CATSPER3: variants seen among roughly 807,000 people sequenced by gnomAD.
CATSPER3 encodes the protein cation channel sperm-associated protein 3.
In CATSPER3, 23 loss-of-function variants were observed where a neutral mutation model predicts 36.6. The ratio of observed to expected loss-of-function variants is 0.63; its 90% CI spans 0.45 to 0.89. The LOEUF (loss-of-function observed/expected upper bound fraction) is 0.89, where lower values mean the gene tolerates loss of function less well. Ranked by LOEUF, CATSPER3 falls within the 40% of genes least tolerant of loss-of-function variation. The pLI is 0.00. For synonymous variants in CATSPER3, 172 were observed against 184.1 expected, an observed-to-expected ratio of 0.93 and a Z score of 0.53; for missense variants, 474 against 503.9, an observed-to-expected ratio of 0.94 and a Z score of 0.57.
intron 2 of CATSPER3, among the ~76,000 whole-genome samples, chr5:134,986,180 T>G (rs1437710031): frequency 2.6e-5 from 4 of 152,084 alleles, no homozygotes; most frequent in Non-Finnish European, 5.9e-5. Flanking sequence ...GTTTGGCTCT[T>G]GTTGCCCAGG....
chr5:134,985,070 C>CA (rs755062616), intron 2 of CATSPER3, among the ~76,000 whole-genome samples: 5 of 152,180 alleles, frequency 3.3e-5, no homozygotes, highest in Non-Finnish European at 7.3e-5. Flanking sequence ...CTGCCCACCT[C>CA]AGCCTCCCAA....
chr5:134,983,451 C>G lies in CATSPER3; in HGVS notation c.253-12822C>G, dbSNP rs182309224. Among the ~76,000 whole-genome samples, 990 of 152,202 alleles carry G rather than the reference C, an allele frequency of 6.5e-3. 9 individuals carry two copies. Among genetic ancestry groups the G allele is most frequent in the Non-Finnish European group, 0.012 (811 of 68,010 alleles). The stretch of plus-strand genomic sequence containing the variant: ...CCAGGAGGCTAAGGCATGAGAATTG[C>G]TAGAACTCGGTGGCGGAGGTTGCAG... On this transcript the variant is annotated intron_variant, in intron 2 of 7. Coordinates refer to ENST00000282611, the MANE Select transcript of CATSPER3 (RefSeq NM_178019.3).
intron 2 of CATSPER3, among the ~76,000 whole-genome samples, chr5:134,994,295 A>T (rs2149550151): frequency 6.6e-6 from 1 of 152,358 alleles, no homozygotes; most frequent in South Asian, 2.1e-4. Context: ...AAAAGATTAG[A>T]AACAGGCAAT....
At chr5:134,986,872 T>A (rs1349313464) in intron 2 of CATSPER3, among the ~76,000 whole-genome samples, 1 of 152,200 alleles carries the variant, frequency 6.6e-6, no homozygotes, top group Non-Finnish European at 1.5e-5. Flanking sequence ...GTGAAAGCAG[T>A]GCTCAGAGGG....
At chr5:135,001,340 T>G (rs1752017633) in intron 3 of CATSPER3, among the ~76,000 whole-genome samples, 2 of 152,232 alleles carry the variant, frequency 1.3e-5, no homozygotes, top group African/African-American at 4.8e-5. Context: ...TTACATTTGC[T>G]GAGGAGTGCT....
chr5:134,981,718 T>C (rs746208438), intron 2 of CATSPER3, among the ~76,000 whole-genome samples: 3 of 152,208 alleles, frequency 2.0e-5, no homozygotes, highest in Non-Finnish European at 4.4e-5. Flanking sequence ...ACATTTGGTT[T>C]TCAACAAAAT....
intron 2 of CATSPER3, chr5:134,995,991 G>C: frequency 2.0e-6 from 1 of 500,122 alleles, no homozygotes; most frequent in Non-Finnish European, 3.7e-6. Flanking sequence ...TTGAGTTGCA[G>C]TATGCTAGAG....
At chr5:134,983,359 A>AC (rs1398463076) in intron 2 of CATSPER3, among the ~76,000 whole-genome samples, 1 of 152,070 alleles carries the variant, frequency 6.6e-6, no homozygotes, top group African/African-American at 2.4e-5. Flanking sequence ...ACATGGTGAA[A>AC]CCCCATCTCT....
At position 135,008,878 on chromosome 5, in the gene CATSPER3, A is replaced by G. The variant is rs370175032; in HGVS notation, c.713A>G (p.Asn238Ser). The G allele has an allele frequency of 2.1e-5, 34 of 1,614,096 alleles. No homozygotes were observed. The highest frequency in any genetic ancestry group is 1.6e-4 in the African/African-American group (12 of 75,056). Reference sequence around the variant, plus strand: ...ACAGACCTGCAGAAGCAGTTGGACAATCGGGAATTTGCTTTGAGCCGGGCA... The same window carrying G: ...ACAGACCTGCAGAAGCAGTTGGACAGTCGGGAATTTGCTTTGAGCCGGGCA... ...GWTDLQKQLD[N>S]REFALSRAFT... The change falls in exon 5 of 8, where the codon AAT becomes AGT. Residue 238 changes from asparagine to serine, a missense_variant. Coordinates refer to ENST00000282611, the MANE Select transcript of CATSPER3 (RefSeq NM_178019.3).
chr5:134,996,137 C>T (rs1245292581), intron 2 of CATSPER3, 136 bp from the exon 3 acceptor site: 3 of 1,088,948 alleles, frequency 2.8e-6, no homozygotes, highest in Non-Finnish European at 4.2e-6. Context: ...GTGCTGTGTG[C>T]CAGAAACTCT....
intron 3 of CATSPER3, among the ~76,000 whole-genome samples, chr5:134,999,816 G>A (rs983322590): frequency 1.3e-5 from 2 of 152,134 alleles, no homozygotes; most frequent in East Asian, 1.9e-4. Flanking sequence ...GGGCTGAGAC[G>A]ATGGGGTTTT....
rs745461692 is a variant in CATSPER3 at position 135,008,831 on chromosome 5, G to A, written c.676-10G>A. ...CTGGGCCCTCAGCATACTCTTCCCT[G>A]CCTGAGCAGGTTGATGGCTGGACAG... On this transcript the variant is annotated splice_polypyrimidine_tract_variant and intron_variant, in intron 4 of 7. Coordinates refer to ENST00000282611, the MANE Select transcript of CATSPER3 (RefSeq NM_178019.3). 1 of 1,614,050 alleles carries A rather than the reference G, an allele frequency of 6.2e-7. No homozygotes were observed. Among genetic ancestry groups the A allele is most frequent in the Non-Finnish European group, 8.5e-7 (1 of 1,179,950 alleles).
chr5:134,981,034 T>C (rs1751744268), intron 2 of CATSPER3, among the ~76,000 whole-genome samples: 1 of 152,142 alleles, frequency 6.6e-6, no homozygotes, highest in South Asian at 2.1e-4. Context: ...CTCTCTCTCT[T>C]GCTCTCTTTT....
At chr5:134,986,742 C>T (rs1751816453) in intron 2 of CATSPER3, among the ~76,000 whole-genome samples, 1 of 152,156 alleles carries the variant, frequency 6.6e-6, no homozygotes, top group Non-Finnish European at 1.5e-5. Context: ...GGATTATAGG[C>T]GTGAGCCACC....
chr5:134,968,134 A>G, intron 1 of CATSPER3, 45 bp downstream of exon 1: 1 of 1,328,520 alleles, frequency 7.5e-7, no homozygotes, highest in Non-Finnish European at 1.1e-6. Flanking sequence ...ATGTGCTAGT[A>G]GAAGTGTGAG....
At chr5:134,989,724 A>T (rs1751856000) in intron 2 of CATSPER3, among the ~76,000 whole-genome samples, 1 of 152,196 alleles carries the variant, frequency 6.6e-6, no homozygotes, top group African/African-American at 2.4e-5. Context: ...TATGAGCAAT[A>T]GGGCTGTTTT....
intron 3 of CATSPER3, among the ~76,000 whole-genome samples, chr5:135,002,628 A>G (rs1406286980): frequency 2.6e-5 from 4 of 152,176 alleles, no homozygotes; most frequent in Non-Finnish European, 5.9e-5. Context: ...GTCTTTTCAC[A>G]TAGTCCCATA....
rs560338790 is a variant in CATSPER3 at position 134,980,178 on chromosome 5, CACTA to C, written c.252+10087_252+10090del. Among the ~76,000 whole-genome samples, 4 of 151,896 alleles carry C rather than the reference CACTA, an allele frequency of 2.6e-5. No homozygotes were observed. The South Asian group carries it at 8.3e-4, about 32-fold the overall frequency. On this transcript the variant is annotated intron_variant, in intron 2 of 7. Transcript: ENST00000282611. ...TTAATTTTTTGTAGAGATGGGGTCTCACTATGTTGCCTAGGCTGGCCTTGAACTC... is the reference window on the plus strand; with the variant it reads ...TTAATTTTTTGTAGAGATGGGGTCTCTGTTGCCTAGGCTGGCCTTGAACTC...
chr5:134,992,928 G>A (rs566084853), intron 2 of CATSPER3, among the ~76,000 whole-genome samples: 27 of 152,098 alleles, frequency 1.8e-4, no homozygotes, highest in Non-Finnish European at 2.9e-4. Context: ...TGTAAAGTGG[G>A]GACTCAAACA....
Sources: gnomAD v4.1 joint callset for allele counts (sites outside exome capture counted in the v4.1 genomes callset) on GRCh38, gnomAD v4.1.1 for gene constraint, MANE v1.5 for transcripts, NCBI Gene and HGNC (gene_info 2026-07-23, HGNC 2026-07-21) for gene names.